MCUB: variants seen among roughly 807,000 people sequenced by gnomAD.
MCUB encodes mitochondrial calcium uniporter dominant negative subunit beta.
MCUB carries 46 observed loss-of-function variants against 41.4 expected under a neutral mutation model. That is an observed-to-expected ratio of 1.11 (90% confidence interval 0.88 to 1.42). The LOEUF (loss-of-function observed/expected upper bound fraction) is 1.42, where lower values mean the gene tolerates loss of function less well. MCUB is among the 40% of genes most tolerant of loss of function. MCUB has a pLI of 0.00. For synonymous variants in MCUB, 148 were observed against 148.2 expected, an observed-to-expected ratio of 1.00 and a Z score of 0.01; for missense variants, 403 against 404.9, an observed-to-expected ratio of 1.00 and a Z score of 0.04.
chr4:109,571,817 A>G (rs780098488), intron 1 of MCUB, among the ~76,000 whole-genome samples: 13 of 152,198 alleles, frequency 8.5e-5, no homozygotes, highest in African/African-American at 2.2e-4. Flanking sequence ...GGAGTGTTAC[A>G]TATCTTGTGT....
intron 4 of MCUB, among the ~76,000 whole-genome samples, chr4:109,667,612 A>G (rs1729371515): frequency 6.6e-6 from 1 of 150,650 alleles, no homozygotes; most frequent in African/African-American, 2.4e-5. Context: ...ATAATATAGA[A>G]TAGAATATAT....
At position 109,648,502 on chromosome 4, in the gene MCUB, A is replaced by G. The variant is rs868174152; in HGVS notation, c.100-10509A>G. ...GTTTCAGTCATTTTGTGGATTAACT[A>G]CTCGTCTTGGGCTGTCCAGACCAGA... is the stretch of plus-strand genomic sequence containing the variant. On this transcript the variant is annotated intron_variant, in intron 1 of 7. Coordinates refer to ENST00000394650, the MANE Select transcript of MCUB (RefSeq NM_017918.5). 16 of 338,348 alleles carry G rather than the reference A, an allele frequency of 4.7e-5. No homozygotes were observed. The Middle Eastern group carries it at 4.1e-3, about 86-fold the overall frequency. The allele number at this position is 338,348 out of a possible 1,614,324, so 21.0% of individuals were successfully genotyped here. A position where few individuals can be genotyped will look rare whatever the true frequency, so the allele number is the denominator to read the frequency against.
At chr4:109,604,871 C>T (rs1029322709) in intron 1 of MCUB, among the ~76,000 whole-genome samples, 2 of 151,986 alleles carry the variant, frequency 1.3e-5, no homozygotes, top group African/African-American at 2.4e-5. Flanking sequence ...GGATAAAAAC[C>T]CACCTGGTCA....
intron 1 of MCUB, among the ~76,000 whole-genome samples, chr4:109,621,363 T>TA (rs1334056236): frequency 1.3e-5 from 2 of 152,210 alleles, no homozygotes; most frequent in African/African-American, 4.8e-5. Flanking sequence ...CTATAACTGT[T>TA]ACAAATTATA....
chr4:109,626,143 CT>C (rs1716566768), intron 1 of MCUB, among the ~76,000 whole-genome samples: 1 of 152,214 alleles, frequency 6.6e-6, no homozygotes, highest in South Asian at 2.1e-4. Context: ...ACTGTTTACA[CT>C]AAGCACTTGA....
chr4:109,677,802 A>ATTTTTTTTTTTT (rs71595506), intron 4 of MCUB, among the ~76,000 whole-genome samples: 1 of 86,606 alleles, frequency 1.2e-5, no homozygotes, highest in Non-Finnish European at 2.1e-5. Flanking sequence ...AAGGAAACAA[A>ATTTTTTTTTTTT]TTTTTTTTTT....
chr4:109,636,298 C>A (rs1728587526), intron 1 of MCUB, among the ~76,000 whole-genome samples: 1 of 152,128 alleles, frequency 6.6e-6, no homozygotes, highest in African/African-American at 2.4e-5. Context: ...AAATTAGATG[C>A]ACAAGGAGAG....
intron 1 of MCUB, among the ~76,000 whole-genome samples, chr4:109,634,110 A>G (rs1341983502): frequency 6.6e-6 from 1 of 152,194 alleles, no homozygotes. Context: ...GAAAATGTAT[A>G]GTCCATAAGT....
chr4:109,634,550 GT>G (rs1728548413), intron 1 of MCUB, among the ~76,000 whole-genome samples: 1 of 150,988 alleles, frequency 6.6e-6, no homozygotes, highest in Non-Finnish European at 1.5e-5. Flanking sequence ...GCCCAGCAGT[GT>G]TACCACCATT....
At chr4:109,605,861 A>T (rs1260675562) in intron 1 of MCUB, among the ~76,000 whole-genome samples, 2 of 152,088 alleles carry the variant, frequency 1.3e-5, no homozygotes, top group Admixed American at 6.6e-5. Flanking sequence ...GGGGGGTTCC[A>T]TTAGCATGGA....
chr4:109,637,745 C>CG (rs2126139574), intron 1 of MCUB, among the ~76,000 whole-genome samples: 1 of 152,112 alleles, frequency 6.6e-6, no homozygotes, highest in African/African-American at 2.4e-5. Context: ...TTTGGGGACT[C>CG]GGGAAAATGG....
chr4:109,670,984 A>T (rs1261953188), intron 4 of MCUB, among the ~76,000 whole-genome samples: 1 of 152,190 alleles, frequency 6.6e-6, no homozygotes, highest in Non-Finnish European at 1.5e-5. Flanking sequence ...CCTGGTACTG[A>T]TTCTTTGCAG....
chr4:109,560,252 CGGAGCCACCAGGCGCTGACGA>C lies in MCUB; in HGVS notation c.-79_-59del. The C allele has an allele frequency of 1.5e-6, 1 of 648,080 alleles. No individual in the cohort carries two copies. The highest frequency in any genetic ancestry group is 2.2e-6 in the Non-Finnish European group (1 of 457,184). The allele number at this position is 648,080 out of a possible 1,614,324, so 40.1% of individuals were successfully genotyped here. The stretch of plus-strand genomic sequence containing the variant: ...AGGCGGGGCGGGAGCGCCCACAGCT[CGGAGCCACCAGGCGCTGACGA>C]GGAGCCCGGCTGAGGGAGGATGCGC... On this transcript the variant is annotated 5_prime_UTR_variant, in exon 1 of 8. Transcript: ENST00000394650.
intron 1 of MCUB, among the ~76,000 whole-genome samples, chr4:109,577,595 A>ATTTTTTTTTTTTTT (rs1727060293): frequency 1.3e-5 from 1 of 77,768 alleles, no homozygotes; most frequent in African/African-American, 5.2e-5. Flanking sequence ...GGGTACTTGA[A>ATTTTTTTTTTTTTT]TTCTTTTTTT....
chr4:109,568,069 C>G (rs971864407), intron 1 of MCUB, among the ~76,000 whole-genome samples: 1 of 149,316 alleles, frequency 6.7e-6, no homozygotes, highest in South Asian at 2.1e-4. Context: ...TGACCATAAA[C>G]CTGGGGGGGA....
chr4:109,580,467 A>G (rs942344644), intron 1 of MCUB, among the ~76,000 whole-genome samples: 3 of 152,172 alleles, frequency 2.0e-5, no homozygotes, highest in Non-Finnish European at 4.4e-5. Context: ...TGTCTTCCAC[A>G]ATGGTTGAAC....
chr4:109,563,146 A>C (rs1726680843), intron 1 of MCUB, among the ~76,000 whole-genome samples: 1 of 152,214 alleles, frequency 6.6e-6, no homozygotes, highest in South Asian at 2.1e-4. Context: ...GTTACATCTG[A>C]ACAGAAAGCC....
chr4:109,575,471 C>G (rs1417109265), intron 1 of MCUB, among the ~76,000 whole-genome samples: 6 of 152,184 alleles, frequency 3.9e-5, no homozygotes, highest in Admixed American at 3.3e-4. Context: ...GCTGTACTGA[C>G]AGGTTATAGT....
At chr4:109,644,392 C>T (rs924032669) in intron 1 of MCUB, among the ~76,000 whole-genome samples, 4 of 152,170 alleles carry the variant, frequency 2.6e-5, no homozygotes, top group Non-Finnish European at 1.5e-5. Context: ...GATAAGCTCA[C>T]GTTGTCATAG....
Sources: allele counts gnomAD v4.1 joint callset (sites outside exome capture counted in the v4.1 genomes callset), GRCh38; gene constraint gnomAD v4.1.1; transcripts MANE v1.5; gene names NCBI Gene and HGNC (gene_info 2026-07-23, HGNC 2026-07-21).